UNC80: variants seen among roughly 807,000 people sequenced by gnomAD.
UNC80 encodes the protein protein unc-80 homolog.
A neutral mutation model predicts 384.6 loss-of-function variants in UNC80; 164 were observed. That is an observed-to-expected ratio of 0.43 (90% CI 0.38 to 0.49). The LOEUF (loss-of-function observed/expected upper bound fraction) is 0.49. UNC80 is among the 20% of genes least tolerant of loss of function. UNC80 has a pLI of 0.00. For missense variants in UNC80, 3,330 were observed against 4,143.0 expected (o/e 0.80, Z 5.39); for synonymous variants, 1,486 against 1,527.8 (o/e 0.97, Z 0.64).
intron 7 of UNC80, chr2:209,808,913 AC>A: frequency 3.3e-6 from 1 of 306,246 alleles, no homozygotes; most frequent in South Asian, 2.9e-5. Context: ...CAGCCCTACC[AC>A]CAGGCCCACC....
intron 21 of UNC80, among the ~76,000 whole-genome samples, chr2:209,842,964 G>T (rs1048660158): frequency 6.6e-6 from 1 of 152,122 alleles, no homozygotes; most frequent in African/African-American, 2.4e-5. Flanking sequence ...TATGATGTCT[G>T]TACCAAGATG....
chr2:209,793,607 A>G (rs2077968157), intron 6 of UNC80, 113 bp from the exon 7 acceptor site: 4 of 1,265,590 alleles, frequency 3.2e-6, no homozygotes, highest in Non-Finnish European at 4.3e-6. Flanking sequence ...AGTGAAAAAA[A>G]GCCCATATAT....
intron 22 of UNC80, among the ~76,000 whole-genome samples, chr2:209,860,755 G>A (rs1020930119): frequency 6.6e-6 from 1 of 152,088 alleles, no homozygotes. Flanking sequence ...CCTTGAAGAG[G>A]TTCTTCACAT....
intron 22 of UNC80, among the ~76,000 whole-genome samples, chr2:209,862,475 T>C (rs1465185801): frequency 6.6e-6 from 1 of 151,786 alleles, no homozygotes; most frequent in African/African-American, 2.4e-5. Flanking sequence ...TGTAGATCTC[T>C]AAGAACTTGC....
At chr2:209,993,508 C>G (rs1181700374) in intron 63 of UNC80, 82 bp downstream of exon 63, 24 of 1,185,138 alleles carry the variant, frequency 2.0e-5, no homozygotes, top group East Asian at 2.6e-5. Context: ...AAAAACCAAG[C>G]TGATGGAGAT....
chr2:209,895,588 T>G (rs2086727841), intron 27 of UNC80, among the ~76,000 whole-genome samples: 1 of 152,228 alleles, frequency 6.6e-6, no homozygotes, highest in Non-Finnish European at 1.5e-5. Context: ...TGCAATTAAT[T>G]ATTTAAATTG....
At chr2:209,995,202 C>G in intron 64 of UNC80, 127 bp from the exon 65 acceptor site, 1 of 1,264,004 alleles carries the variant, frequency 7.9e-7, no homozygotes, top group Non-Finnish European at 1.1e-6. Context: ...CTACCTATAA[C>G]AAAGGCTGGA....
chr2:209,878,185 A>G, intron 24 of UNC80, 96 bp downstream of exon 24: 1 of 1,254,880 alleles, frequency 8.0e-7, no homozygotes, highest in Non-Finnish European at 1.0e-6. Context: ...TATTCTTACC[A>G]CCTCCCCATG....
intron 26 of UNC80, among the ~76,000 whole-genome samples, chr2:209,891,600 T>C (rs2086334775): frequency 6.6e-6 from 1 of 152,180 alleles, no homozygotes; most frequent in Non-Finnish European, 1.5e-5. Flanking sequence ...ATGTGATTAT[T>C]ATTTATGTAA....
chr2:209,894,247 C>A lies in UNC80; in HGVS notation c.4361C>A (p.Ser1454Tyr). ...AGTTTCCAGGTGAAGAAGGGGGGTT[C>A]CTTGTCCAGCATTCGCCGGGTCGGC... ...TRSFQVKKGG[S>Y]LSSIRRVGSL... The change falls in exon 27 of 65, where the codon TCC becomes TAC. Residue 1454 changes from serine (S) to tyrosine (Y), a missense_variant. Transcript: ENST00000673920. The A allele has an allele frequency of 1.0e-6, 1 of 985,388 alleles. No homozygotes were observed. The highest frequency in any genetic ancestry group is 1.2e-6 in the Non-Finnish European group (1 of 829,918). The allele number at this position is 985,388 out of a possible 1,614,324, so 61.0% of individuals were successfully genotyped here. A position where few individuals can be genotyped will look rare whatever the true frequency, so the allele number is the denominator to read the frequency against.
intron 7 of UNC80, among the ~76,000 whole-genome samples, chr2:209,801,583 A>T (rs1163446267): frequency 6.7e-6 from 1 of 149,636 alleles, no homozygotes; most frequent in Non-Finnish European, 1.5e-5. Flanking sequence ...GGGTTTCACC[A>T]TGTAGGCCAG....
chr2:209,956,002 C>T (rs1233738663), intron 48 of UNC80, among the ~76,000 whole-genome samples: 1 of 151,858 alleles, frequency 6.6e-6, no homozygotes, highest in East Asian at 1.9e-4. Context: ...CCTCGGCCTC[C>T]TAAAGTGCTG....
rs1225972802 is a variant in UNC80, at chr2:209,959,703, A to T, written c.7801A>T (p.Met2601Leu). 5 of 1,551,076 alleles carry T rather than the reference A, an allele frequency of 3.2e-6. No homozygotes were observed. The highest frequency in any genetic ancestry group is 4.4e-6 in the Non-Finnish European group (5 of 1,146,942). The stretch of plus-strand genomic sequence containing the variant: ...GGAACTGCTGGATGTGAAGTCTCAC[A>T]TGAGGTACTGGCCTCGCTTTCCCTG... ...ALELLDVKSH[M>L]RLAEIAHSLL... Residue 2601 changes from methionine (M) to leucine (L), a missense_variant, in exon 51 of 65, where the codon ATG becomes TTG. Physicochemically the swap from Met to Leu is conservative, Grantham distance 15. Transcript: ENST00000673920.
chr2:209,942,312 C>A (rs979752863), intron 44 of UNC80, among the ~76,000 whole-genome samples: 2 of 152,160 alleles, frequency 1.3e-5, no homozygotes, highest in Non-Finnish European at 2.9e-5. Context: ...GGGACCACTG[C>A]CCTAGAAAGT....
At chr2:209,887,793 A>T (rs1443661910) in intron 25 of UNC80, among the ~76,000 whole-genome samples, 1 of 152,228 alleles carries the variant, frequency 6.6e-6, no homozygotes, top group East Asian at 1.9e-4. Flanking sequence ...GATGCAGCCA[A>T]AACTGTGGAC....
At chr2:209,876,235 C>T (rs1027323555) in intron 23 of UNC80, among the ~76,000 whole-genome samples, 10 of 152,162 alleles carry the variant, frequency 6.6e-5, no homozygotes, top group African/African-American at 2.4e-4. Flanking sequence ...CTCCTAGCCC[C>T]TCTAAACTTC....
intron 48 of UNC80, among the ~76,000 whole-genome samples, chr2:209,955,201 A>C (rs1239852825): frequency 6.6e-6 from 1 of 152,072 alleles, no homozygotes; most frequent in Non-Finnish European, 1.5e-5. Flanking sequence ...CCTTAGTGTG[A>C]AATTGTCTAC....
chr2:209,816,906 T>G lies in UNC80; in HGVS notation c.1336-3T>G. On this transcript the variant is annotated splice_region_variant and splice_polypyrimidine_tract_variant and intron_variant, in intron 9 of 64. Coordinates refer to ENST00000673920, the MANE Select transcript of UNC80 (RefSeq NM_001371986.1). ...CCTAATTCTACACCTCTCATCACTG[T>G]AGTTCAAGAGCCGCAAAGAAGACCG... 4 of 1,551,634 alleles carry G rather than the reference T, an allele frequency of 2.6e-6. No homozygotes were observed. Among genetic ancestry groups the G allele is most frequent in the Non-Finnish European group, 3.5e-6 (4 of 1,146,954 alleles).
At chr2:209,842,914 A>G (rs1472997212) in intron 21 of UNC80, among the ~76,000 whole-genome samples, 2 of 152,196 alleles carry the variant, frequency 1.3e-5, no homozygotes, top group Admixed American at 1.3e-4. Context: ...TTACATTCTG[A>G]AGACATACTT....
Sources: allele counts gnomAD v4.1 joint callset (sites outside exome capture counted in the v4.1 genomes callset), GRCh38; gene constraint gnomAD v4.1.1; transcripts MANE v1.5; gene names NCBI Gene and HGNC (gene_info 2026-07-23, HGNC 2026-07-21).